DAPP1: variants seen among roughly 807,000 people sequenced by gnomAD.
The protein encoded by DAPP1 is dual adapter for phosphotyrosine and 3-phosphotyrosine and 3-phosphoinositide.
Under a neutral mutation model 41.5 loss-of-function variants are expected in DAPP1, and 20 were observed. The observed-to-expected ratio is 0.48, with a 90% CI of 0.34 to 0.70. DAPP1 has a LOEUF of 0.70. Ranked by LOEUF, DAPP1 falls within the 30% of genes least tolerant of loss-of-function variation. The pLI is 0.01. For synonymous variants in DAPP1, 113 were observed against 116.2 expected, an observed-to-expected ratio of 0.97 and a Z score of 0.18; for missense variants, 233 against 333.4, an observed-to-expected ratio of 0.70 and a Z score of 2.35.
intron 6 of DAPP1, 112 bp downstream of exon 6, chr4:99,863,184 A>C: frequency 1.6e-6 from 1 of 641,028 alleles, no homozygotes; most frequent in Non-Finnish European, 2.6e-6. Context: ...AATACCTAAT[A>C]AATGATTGGA....
intron 1 of DAPP1, among the ~76,000 whole-genome samples, chr4:99,830,049 C>G (rs1165686841): frequency 6.6e-6 from 1 of 152,192 alleles, no homozygotes; most frequent in Non-Finnish European, 1.5e-5. Context: ...AAATCTGCCT[C>G]TTATCCCTAA....
At position 99,863,771 on chromosome 4, in the gene DAPP1, C is replaced by A; in HGVS notation, c.602C>A (p.Ser201Ter). ...TACGTTGCTTTTTATTTTATTTAGT[C>A]ACCAGAACCAATTCGGATCCTAGAC... Reference protein sequence around the residue: ...NELKYFKDQMSPEPIRILDLT... With the variant: ...NELKYFKDQM The change falls in exon 7 of 9, where the codon TCA becomes TAA. Residue 201 changes from serine (S) to a stop codon, truncating the protein, a stop_gained and splice_region_variant. Transcript: ENST00000512369. LOFTEE classifies it high-confidence loss of function. 6.6e-7 allele frequency: 1 copy of A among 1,520,394 alleles called. No homozygotes were observed. The highest frequency in any genetic ancestry group is 8.9e-7 in the Non-Finnish European group (1 of 1,123,998). The allele number at this position is 1,520,394 out of a possible 1,614,324, so 94.2% of individuals were successfully genotyped here. A position where few individuals can be genotyped will look rare whatever the true frequency, so the allele number is the denominator to read the frequency against.
Position 99,855,741 on chromosome 4 carries a change from T to C in DAPP1, c.489+2393T>C, listed in dbSNP as rs2110160837. ...GAGTTCTGGTCTGATCAGAATGCTC[T>C]TGTCCCTTATTGAACACAAGTTCTA... is the stretch of plus-strand genomic sequence containing the variant. On this transcript the variant is annotated intron_variant, in intron 4 of 8. Transcript: ENST00000512369. Among the ~76,000 whole-genome samples, 3 of 152,334 alleles carry C rather than the reference T, an allele frequency of 2.0e-5. No homozygotes were observed. In the Middle Eastern group the frequency reaches 0.01, roughly 518 times the overall value.
At chr4:99,819,837 A>C (rs768076209) in intron 1 of DAPP1, among the ~76,000 whole-genome samples, 6 of 152,114 alleles carry the variant, frequency 3.9e-5, no homozygotes, top group Non-Finnish European at 7.4e-5. Context: ...TGTTTTTTTC[A>C]GGCTCTGGAA....
intron 4 of DAPP1, among the ~76,000 whole-genome samples, chr4:99,859,844 C>T (rs948101019): frequency 6.6e-6 from 1 of 152,136 alleles, no homozygotes; most frequent in Non-Finnish European, 1.5e-5. Context: ...GGCTTCAATG[C>T]CTCGCACACA....
intron 3 of DAPP1, among the ~76,000 whole-genome samples, chr4:99,852,452 A>G (rs1723894534): frequency 6.6e-6 from 1 of 152,122 alleles, no homozygotes; most frequent in Non-Finnish European, 1.5e-5. Context: ...ACATAGACTC[A>G]GAACTGCTCT....
intron 3 of DAPP1, among the ~76,000 whole-genome samples, chr4:99,847,875 G>T (rs552643707): frequency 4.6e-5 from 7 of 151,966 alleles, no homozygotes; most frequent in African/African-American, 1.4e-4. Flanking sequence ...GTACAGTGGC[G>T]CCATCTCGGC....
intron 7 of DAPP1, chr4:99,865,559 C>A (rs1167558833): frequency 1.3e-5 from 2 of 152,058 alleles, no homozygotes; most frequent in Non-Finnish European, 2.9e-5. Context: ...CAAGCTAACA[C>A]AAATGAGTTC....
chr4:99,828,332 C>A (rs1723010521), intron 1 of DAPP1, among the ~76,000 whole-genome samples: 1 of 152,072 alleles, frequency 6.6e-6, no homozygotes. Context: ...AAGTTAATAG[C>A]CTATAGAAAG....
intron 2 of DAPP1, among the ~76,000 whole-genome samples, chr4:99,839,994 G>A (rs1266781033): frequency 1.3e-5 from 2 of 152,162 alleles, no homozygotes; most frequent in Non-Finnish European, 2.9e-5. Context: ...TCCAGGAGGC[G>A]GAGGTTGCAG....
Position 99,870,005 on chromosome 4 carries a change from A to C in DAPP1, c.*1820A>C, listed in dbSNP as rs1048156092. 6.6e-6 allele frequency: 1 copy of C among 152,106 alleles called. No individual in the cohort carries two copies. Among genetic ancestry groups the C allele is most frequent in the Non-Finnish European group, 1.5e-5 (1 of 67,998 alleles). 9.4% of individuals were successfully genotyped at this position (152,106 alleles called of 1,614,324 possible). A position where few individuals can be genotyped will look rare whatever the true frequency, so the allele number is the denominator to read the frequency against. ...AATACTCACGGATATGTATAGTTTT[A>C]TGTTTGTTTTCTTAGAAACAAATGT... is the stretch of plus-strand genomic sequence containing the variant. On this transcript the variant is annotated 3_prime_UTR_variant, in exon 9 of 9. Coordinates refer to ENST00000512369, the MANE Select transcript of DAPP1 (RefSeq NM_014395.3).
At chr4:99,832,365 C>A (rs965668892) in intron 1 of DAPP1, among the ~76,000 whole-genome samples, 2 of 152,206 alleles carry the variant, frequency 1.3e-5, no homozygotes, top group Admixed American at 6.5e-5. Context: ...ACATTCACTC[C>A]CCTGAAAGAA....
chr4:99,845,508 A>G (rs1238099826), intron 3 of DAPP1, among the ~76,000 whole-genome samples: 1 of 152,232 alleles, frequency 6.6e-6, no homozygotes, highest in Non-Finnish European at 1.5e-5. Context: ...ATTTGGAAGA[A>G]TTTCTGCTAC....
chr4:99,820,817 C>A lies in DAPP1; in HGVS notation c.101+3803C>A, dbSNP rs188913494. Among the ~76,000 whole-genome samples the A allele has an allele frequency of 1.9e-3, 295 of 152,254 alleles. 1 individual carries two copies. Among genetic ancestry groups the A allele is most frequent in the African/African-American group, 6.9e-3 (285 of 41,560 alleles). On this transcript the variant is annotated intron_variant, in intron 1 of 8. Coordinates refer to ENST00000512369, the MANE Select transcript of DAPP1 (RefSeq NM_014395.3). ...TGACCGTGATGGTGTTCAAACAAAACGTTATTTATACACTGAAATGTGAAT... is the reference window on the plus strand; with the variant it reads ...TGACCGTGATGGTGTTCAAACAAAAAGTTATTTATACACTGAAATGTGAAT...
intron 1 of DAPP1, among the ~76,000 whole-genome samples, chr4:99,825,114 T>C (rs191881983): frequency 6.6e-6 from 1 of 152,348 alleles, no homozygotes. Flanking sequence ...GGATCACTCT[T>C]TGGGTCTGCA....
chr4:99,841,719 A>C (rs1723502109), intron 3 of DAPP1, among the ~76,000 whole-genome samples: 1 of 152,196 alleles, frequency 6.6e-6, no homozygotes, highest in African/African-American at 2.4e-5. Context: ...TTTTAAAGCC[A>C]GGGTTTTGTT....
chr4:99,853,212 A>T lies in DAPP1; in HGVS notation c.359-6A>T. 1 of 1,613,808 alleles carries T rather than the reference A, an allele frequency of 6.2e-7. No individual in the cohort carries two copies. The highest frequency in any genetic ancestry group is 8.5e-7 in the Non-Finnish European group (1 of 1,179,814). On this transcript the variant is annotated splice_polypyrimidine_tract_variant and splice_region_variant and intron_variant, in intron 3 of 8. Coordinates refer to ENST00000512369, the MANE Select transcript of DAPP1 (RefSeq NM_014395.3). Reference sequence around the variant, plus strand: ...GTTCGATTATATATTTTTCATCTTCATTCAGGCACTCTGATGGTTCTAAAA... The same window carrying T: ...GTTCGATTATATATTTTTCATCTTCTTTCAGGCACTCTGATGGTTCTAAAA...
chr4:99,868,236 C>T lies in DAPP1; in HGVS notation c.*51C>T. 5 of 1,482,156 alleles carry T rather than the reference C, an allele frequency of 3.4e-6. No homozygotes were observed. Among genetic ancestry groups the T allele is most frequent in the Non-Finnish European group, 4.7e-6 (5 of 1,060,534 alleles). 91.8% of individuals were successfully genotyped at this position (1,482,156 alleles called of 1,614,324 possible). A position where few individuals can be genotyped will look rare whatever the true frequency, so the allele number is the denominator to read the frequency against. On this transcript the variant is annotated 3_prime_UTR_variant, in exon 9 of 9. Transcript: ENST00000512369. ...GCCCAGGAGCAAGGTGGAATGTTTC[C>T]CTGACGCTGTGATCTGCAGCAGGCT... is the stretch of plus-strand genomic sequence containing the variant.
intron 4 of DAPP1, among the ~76,000 whole-genome samples, chr4:99,854,282 T>C (rs538484526): frequency 6.6e-6 from 1 of 152,326 alleles, no homozygotes; most frequent in African/African-American, 2.4e-5. Flanking sequence ...GCCCTTCTAT[T>C]TGTTGTCTCT....
Sources: gnomAD v4.1 joint callset for allele counts (sites outside exome capture counted in the v4.1 genomes callset) on GRCh38, gnomAD v4.1.1 for gene constraint, MANE v1.5 for transcripts, NCBI Gene and HGNC (gene_info 2026-07-23, HGNC 2026-07-21) for gene names.